The following NHEJ1 variants were observed in gnomAD, a reference collection of about 807,000 sequenced individuals.
NHEJ1 encodes the protein non-homologous end joining factor 1.
NHEJ1 carries 22 observed loss-of-function variants against 39.4 expected under a neutral mutation model. The observed-to-expected ratio is 0.56, with a 90% CI of 0.40 to 0.80. The LOEUF (loss-of-function observed/expected upper bound fraction) is 0.80, where lower values mean the gene tolerates loss of function less well. Among genes scored for constraint, NHEJ1 ranks in the 30% least tolerant of loss-of-function variants. The pLI, the probability that NHEJ1 is intolerant of heterozygous loss-of-function variation, is 0.00. For synonymous variants in NHEJ1, 154 were observed against 135.6 expected (o/e 1.14, Z -0.94); for missense variants, 329 against 357.1 (o/e 0.92, Z 0.63).
At position 219,073,744 on chromosome 2, in the gene NHEJ1, C is replaced by T. The variant is rs1948986083; in HGVS notation, c.*2637G>A. ...AAGAGTCCCTTCTCCCACCAGCCAG[C>T]CCTGGCCCCAGCCCCAGCCCCGGGG... On this transcript the variant is annotated 3_prime_UTR_variant, in exon 8 of 8. Transcript: ENST00000356853. Among the ~76,000 whole-genome samples the T allele has an allele frequency of 6.6e-6, 1 of 152,258 alleles. No individual in the cohort carries two copies. The highest frequency in any genetic ancestry group is 2.4e-5 in the African/African-American group (1 of 41,472).
At position 219,070,364 on chromosome 2, in the gene NHEJ1, G is replaced by A. The variant is rs1365538524; in HGVS notation, c.*6017C>T. Among the ~76,000 whole-genome samples the A allele has an allele frequency of 1.3e-5, 2 of 152,052 alleles. No homozygotes were observed. Among genetic ancestry groups the A allele is most frequent in the East Asian group, 3.9e-4 (2 of 5,182 alleles). ...GCGCCACCACATCCAGCTAATTTTT[G>A]TATTTTTAGTAGAGATGGGGTTTCA... On this transcript the variant is annotated 3_prime_UTR_variant, in exon 8 of 8. Transcript: ENST00000356853.
chr2:219,129,658 A>G (rs1177724838), intron 5 of NHEJ1, among the ~76,000 whole-genome samples: 1 of 152,246 alleles, frequency 6.6e-6, no homozygotes, highest in Non-Finnish European at 1.5e-5. Context: ...AGGAAACAGA[A>G]TAAGCAAAAT....
At chr2:219,116,406 G>A (rs1046850457) in intron 5 of NHEJ1, among the ~76,000 whole-genome samples, 2 of 151,898 alleles carry the variant, frequency 1.3e-5, no homozygotes, top group Non-Finnish European at 2.9e-5. Flanking sequence ...GCCCAGGCTG[G>A]AGTGCAGTGA....
chr2:219,107,531 A>C (rs143330488), intron 5 of NHEJ1, among the ~76,000 whole-genome samples: 2 of 152,346 alleles, frequency 1.3e-5, no homozygotes, highest in Non-Finnish European at 2.9e-5. Flanking sequence ...TATCAGGAAG[A>C]AGGTAAGCAG....
chr2:219,112,081 G>A (rs11892704), intron 5 of NHEJ1, among the ~76,000 whole-genome samples: 64 of 152,244 alleles, frequency 4.2e-4, no homozygotes, highest in African/African-American at 1.5e-3. Flanking sequence ...GGAAAGCTTC[G>A]GCAAGGAAAA....
intron 1 of NHEJ1, among the ~76,000 whole-genome samples, chr2:219,160,317 C>T (rs1386725238): frequency 3.9e-5 from 6 of 152,234 alleles, no homozygotes; most frequent in Non-Finnish European, 8.8e-5. Flanking sequence ...AGCGCGAACC[C>T]TAGGTCCCAC....
chr2:219,146,723 T>A lies in NHEJ1; in HGVS notation c.545A>T (p.Glu182Val). The A allele has an allele frequency of 6.2e-7, 1 of 1,610,944 alleles. No individual in the cohort carries two copies. Among genetic ancestry groups the A allele is most frequent in the Non-Finnish European group, 8.5e-7 (1 of 1,177,066 alleles). The change falls in exon 5 of 8, where the codon GAA (glutamate) becomes GTA (valine). Residue 182 changes from glutamate to valine, a missense_variant. Coordinates refer to ENST00000356853, the MANE Select transcript of NHEJ1 (RefSeq NM_024782.3). ...ATLIRDRLKTEPFEENSFLEQ... is the reference protein window; with the variant it reads ...ATLIRDRLKTVPFEENSFLEQ... ...CAAGAAGGAATTTTCTTCAAATGGT[T>A]CTGTCTTCAATCGATCTGTAATAAG...
At chr2:219,152,231 G>A (rs1330431383) in intron 3 of NHEJ1, among the ~76,000 whole-genome samples, 1 of 152,096 alleles carries the variant, frequency 6.6e-6, no homozygotes, top group Non-Finnish European at 1.5e-5. Flanking sequence ...TATACAAACA[G>A]GAGTTGCTAA....
chr2:219,146,489 CT>C lies in NHEJ1; in HGVS notation c.588+190del. Among the ~76,000 whole-genome samples the C allele has an allele frequency of 3.3e-5, 5 of 152,316 alleles. No individual in the cohort carries two copies. In the South Asian group the frequency reaches 1.0e-3, roughly 32 times the overall value. ...TCAGTCCACTTCCGCCTCTTACGTT[CT>C]TTCCCCGTTTTTTCCCTCATCTTCC... On this transcript the variant is annotated intron_variant, in intron 5 of 7. Coordinates refer to ENST00000356853, the MANE Select transcript of NHEJ1 (RefSeq NM_024782.3).
At position 219,111,628 on chromosome 2, in the gene NHEJ1, G is replaced by GACACACACAC. The variant is rs368706049; in HGVS notation, c.589-33432_589-33423dup. ...GAATTAAGTCTACAGTGTGAATACA[G>GACACACACAC]ACACACACACACACACACACACACA... On this transcript the variant is annotated intron_variant, in intron 5 of 7. Transcript: ENST00000356853. This position sits in a 1 kb window ranked among gnomAD's most constrained non-coding sequence, Gnocchi z 4.1. Among the ~76,000 whole-genome samples, 6,590 of 138,270 alleles carry GACACACACAC rather than the reference G, an allele frequency of 0.048. 243 individuals carry two copies. The highest frequency in any genetic ancestry group is 0.098 in the African/African-American group (3,544 of 36,028). 90.7% of individuals were successfully genotyped at this position (138,270 alleles called of 152,430 possible). A position where few individuals can be genotyped will look rare whatever the true frequency, so the allele number is the denominator to read the frequency against.
chr2:219,104,742 T>G (rs1949299220), intron 5 of NHEJ1, among the ~76,000 whole-genome samples: 2 of 152,010 alleles, frequency 1.3e-5, no homozygotes, highest in Admixed American at 1.3e-4. Flanking sequence ...ACTAGAAAAT[T>G]AAGAAAACCT....
intron 3 of NHEJ1, among the ~76,000 whole-genome samples, chr2:219,154,641 G>A (rs1432799135): frequency 6.6e-6 from 1 of 151,984 alleles, no homozygotes; most frequent in Non-Finnish European, 1.5e-5. Context: ...CTCAGGTTCA[G>A]GCGTTTCCCT....
At chr2:219,145,063 A>C (rs1949723087) in intron 5 of NHEJ1, among the ~76,000 whole-genome samples, 1 of 152,212 alleles carries the variant, frequency 6.6e-6, no homozygotes, top group East Asian at 1.9e-4. Context: ...AAAAATACAA[A>C]AATTAGCTGG....
At chr2:219,137,883 C>T (rs996846046) in intron 5 of NHEJ1, among the ~76,000 whole-genome samples, 1 of 152,182 alleles carries the variant, frequency 6.6e-6, no homozygotes, top group African/African-American at 2.4e-5. Flanking sequence ...TCACTAAGCA[C>T]TATAAGCTCT....
intron 5 of NHEJ1, among the ~76,000 whole-genome samples, chr2:219,136,097 C>A (rs1211438396): frequency 6.6e-6 from 1 of 152,116 alleles, no homozygotes; most frequent in Non-Finnish European, 1.5e-5. Context: ...CTGGCCCCTG[C>A]AGATATCTGA....
At chr2:219,136,624 A>G (rs1949631172) in intron 5 of NHEJ1, among the ~76,000 whole-genome samples, 1 of 151,536 alleles carries the variant, frequency 6.6e-6, no homozygotes, top group Non-Finnish European at 1.5e-5. Flanking sequence ...TTTCTTTGAG[A>G]TGGAGTCTTG....
intron 5 of NHEJ1, among the ~76,000 whole-genome samples, chr2:219,126,350 C>G (rs145279265): frequency 6.6e-6 from 1 of 152,330 alleles, no homozygotes; most frequent in East Asian, 1.9e-4. Context: ...TTCTCTGAGC[C>G]AACCCATCGT....
chr2:219,153,687 AG>A (rs1949819554), intron 3 of NHEJ1, among the ~76,000 whole-genome samples: 1 of 38,922 alleles, frequency 2.6e-5, no homozygotes, highest in African/African-American at 7.0e-5. Context: ...AGAAAAAGAA[AG>A]AAAAGGGGGG....
Position 219,098,324 on chromosome 2 carries a change from AG to A in NHEJ1, c.589-20119del, listed in dbSNP as rs569528293. ...AACTGGGGTGTCAGAAGGATTTTTA[AG>A]GTGGAAGAATAATAGTACATTTGAA... On this transcript the variant is annotated intron_variant, in intron 5 of 7. Coordinates refer to ENST00000356853, the MANE Select transcript of NHEJ1 (RefSeq NM_024782.3). 2.9e-3 allele frequency among the ~76,000 whole-genome samples: 446 copies of A among 152,318 alleles called. 2 individuals carry two copies. Among genetic ancestry groups the A allele is most frequent in the Middle Eastern group, 0.01 (3 of 294 alleles).
Sources: gnomAD v4.1 joint callset for allele counts (sites outside exome capture counted in the v4.1 genomes callset) on GRCh38, gnomAD v4.1.1 for gene constraint, Gnocchi (gnomAD v3.1) non-coding constraint, MANE v1.5 for transcripts, NCBI Gene and HGNC (gene_info 2026-07-23, HGNC 2026-07-21) for gene names.